Variants in SUGCT observed in about 807,000 individuals in gnomAD.
The protein encoded by SUGCT is succinyl-CoA:glutarate CoA-transferase.
Under a neutral mutation model 55.0 loss-of-function variants are expected in SUGCT, and 41 were observed. The ratio of observed to expected loss-of-function variants is 0.74; its 90% confidence interval spans 0.58 to 0.97. SUGCT has a LOEUF of 0.97. Ranked by LOEUF, SUGCT falls within the 50% of genes least tolerant of loss-of-function variation. SUGCT has a pLI of 0.00. For missense variants in SUGCT, 568 were observed against 547.8 expected, an observed-to-expected ratio of 1.04 and a Z score of -0.37; for synonymous variants, 187 against 200.4, an observed-to-expected ratio of 0.93 and a Z score of 0.56.
At chr7:41,025,866 G>A in the SUGCT span, among the ~76,000 whole-genome samples, 1 of 152,140 alleles carries the variant, frequency 6.6e-6, no homozygotes, top group South Asian at 2.1e-4. Context: ...TAGCTTTCTG[G>A]AAAGCCCCTT....
At chr7:40,914,778 A>G in the SUGCT span, among the ~76,000 whole-genome samples, 2 of 152,208 alleles carry the variant, frequency 1.3e-5, no homozygotes, top group Non-Finnish European at 2.9e-5. Flanking sequence ...GGAGAAATTC[A>G]GGATATTGAA....
intron 13 of SUGCT, among the ~76,000 whole-genome samples, chr7:40,831,568 C>T (rs1432029794): frequency 2.6e-5 from 4 of 152,196 alleles, no homozygotes; most frequent in South Asian, 2.1e-4. Context: ...TAGGGTCTTG[C>T]AGTCATCCTT....
At chr7:40,339,924 T>A (rs1178580439) in intron 9 of SUGCT, among the ~76,000 whole-genome samples, 2 of 152,218 alleles carry the variant, frequency 1.3e-5, no homozygotes, top group African/African-American at 2.4e-5. Context: ...AACTTTCTTG[T>A]TGCCTGTAAT....
At chr7:40,390,282 C>T (rs1785352816) in intron 9 of SUGCT, among the ~76,000 whole-genome samples, 1 of 152,080 alleles carries the variant, frequency 6.6e-6, no homozygotes, top group Non-Finnish European at 1.5e-5. Context: ...AAGTTCTGGC[C>T]AGGGCAATCA....
At chr7:40,894,489 C>CTT in the SUGCT span, among the ~76,000 whole-genome samples, 1 of 152,266 alleles carries the variant, frequency 6.6e-6, no homozygotes, top group East Asian at 1.9e-4. Context: ...AACTGAAGAA[C>CTT]TTCTGCACAG....
intron 12 of SUGCT, among the ~76,000 whole-genome samples, chr7:40,569,680 G>A (rs1346952267): frequency 6.6e-6 from 1 of 152,036 alleles, no homozygotes; most frequent in East Asian, 1.9e-4. Context: ...CTGTAAAATA[G>A]GAATTGTCTC....
chr7:40,193,012 G>T (rs11773208), intron 5 of SUGCT, among the ~76,000 whole-genome samples: 4,689 of 150,968 alleles, frequency 0.031, 115 homozygotes, highest in Admixed American at 0.069. Flanking sequence ...TGTTGCCCAG[G>T]CTGGAGTGCA....
At chr7:40,198,665 A>G (rs1183659688) in intron 6 of SUGCT, among the ~76,000 whole-genome samples, 2 of 142,986 alleles carry the variant, frequency 1.4e-5, no homozygotes, top group Non-Finnish European at 2.9e-5. Context: ...GTTCGAGACC[A>G]GCCTGACCAA....
chr7:40,849,341 T>C (rs1793736672), intron 13 of SUGCT, among the ~76,000 whole-genome samples: 4 of 152,190 alleles, frequency 2.6e-5, no homozygotes, highest in South Asian at 2.1e-4. Context: ...GCTATGTTAA[T>C]TACTTTAACC....
chr7:40,625,926 G>T (rs185000194), intron 12 of SUGCT, among the ~76,000 whole-genome samples: 2 of 152,182 alleles, frequency 1.3e-5, no homozygotes, highest in African/African-American at 4.8e-5. Flanking sequence ...ATCAAGCATG[G>T]TGTGAAGCAC....
chr7:41,013,829 A>T, the SUGCT span, among the ~76,000 whole-genome samples: 3 of 151,520 alleles, frequency 2.0e-5, no homozygotes, highest in East Asian at 3.9e-4. Context: ...CTAATCTCTC[A>T]TGACAATATT....
At chr7:40,148,244 G>C (rs552951356) in intron 1 of SUGCT, among the ~76,000 whole-genome samples, 1 of 151,880 alleles carries the variant, frequency 6.6e-6, no homozygotes, top group Non-Finnish European at 1.5e-5. Flanking sequence ...AGAAGGCAAA[G>C]AATTGAACAT....
intron 12 of SUGCT, among the ~76,000 whole-genome samples, chr7:40,660,707 A>G (rs537553167): frequency 6.6e-6 from 1 of 152,256 alleles, no homozygotes; most frequent in South Asian, 2.1e-4. Flanking sequence ...CAACATCACA[A>G]CAGAGTTGTG....
chr7:40,639,670 G>T (rs903150415), intron 12 of SUGCT, among the ~76,000 whole-genome samples: 1 of 143,578 alleles, frequency 7.0e-6, no homozygotes, highest in Non-Finnish European at 1.5e-5. Context: ...TTACCATGCC[G>T]TCTAATTTTT....
intron 1 of SUGCT, among the ~76,000 whole-genome samples, chr7:40,139,140 A>AATC (rs1562788533): frequency 1.6e-4 from 22 of 139,654 alleles, no homozygotes; most frequent in African/African-American, 5.0e-4. Context: ...ATAAATAAAT[A>AATC]AATAAATAAA....
intron 12 of SUGCT, among the ~76,000 whole-genome samples, chr7:40,608,816 T>A (rs1277834612): frequency 6.6e-6 from 1 of 152,166 alleles, no homozygotes; most frequent in African/African-American, 2.4e-5. Flanking sequence ...GGAAAACACA[T>A]TGTTGTTATT....
rs4720354 is a variant in SUGCT, at chr7:40,189,473, G to A, written c.313-71G>A. On this transcript the variant is annotated intron_variant, in intron 4 of 13. Coordinates refer to ENST00000335693, the MANE Select transcript of SUGCT (RefSeq NM_001193313.2). The stretch of plus-strand genomic sequence containing the variant: ...GTTTGTTATGTGGGTATATTGCATA[G>A]TGGTGGGGATTGGGCTTCTTGTGTT... 153,694 of 334,716 alleles carry A rather than the reference G, an allele frequency of 0.46. 36,952 individuals are homozygous for A. The highest frequency in any genetic ancestry group is 0.62 in the Middle Eastern group (541 of 874). 20.7% of individuals were successfully genotyped at this position (334,716 alleles called of 1,614,324 possible).
chr7:40,157,908 T>G (rs922866580), intron 1 of SUGCT, among the ~76,000 whole-genome samples: 1 of 152,198 alleles, frequency 6.6e-6, no homozygotes. Flanking sequence ...TACTGCTTCA[T>G]TAAAATGTGG....
chr7:40,286,393 A>G (rs1793342234), intron 8 of SUGCT, among the ~76,000 whole-genome samples: 1 of 152,150 alleles, frequency 6.6e-6, no homozygotes, highest in South Asian at 2.1e-4. Context: ...CCCTTTTTTT[A>G]AGTTTCATTA....
Sources: gnomAD v4.1 joint callset for allele counts (sites outside exome capture counted in the v4.1 genomes callset) on GRCh38, gnomAD v4.1.1 for gene constraint, MANE v1.5 for transcripts, NCBI Gene and HGNC (gene_info 2026-07-23, HGNC 2026-07-21) for gene names.